Variants in GNG2 observed in about 807,000 individuals in gnomAD.
The protein encoded by GNG2 is guanine nucleotide-binding protein G(I)/G(S)/G(O) subunit gamma-2.
GNG2 carries 5 observed loss-of-function variants against 5.5 expected under a neutral mutation model. That is an observed-to-expected ratio of 0.91 (90% CI 0.48 to 1.92). The LOEUF (loss-of-function observed/expected upper bound fraction) is 1.92. Ranked by LOEUF, GNG2 falls within the 30% of genes most tolerant of loss-of-function variation. The pLI is 0.01. For missense variants in GNG2, 55 were observed against 88.4 expected (o/e 0.62, Z 1.52); for synonymous variants, 28 against 32.0 (o/e 0.88, Z 0.42).
At chr14:51,842,917 G>A (rs775905816) in intron 2 of GNG2, among the ~76,000 whole-genome samples, 6 of 152,002 alleles carry the variant, frequency 3.9e-5, no homozygotes, top group African/African-American at 7.2e-5. Flanking sequence ...TGCCCGCCTC[G>A]GTTTCCAGAA....
intron 2 of GNG2, among the ~76,000 whole-genome samples, chr14:51,937,013 A>C (rs951738329): frequency 6.6e-6 from 1 of 152,152 alleles, no homozygotes; most frequent in African/African-American, 2.4e-5. Flanking sequence ...CCCACAACCC[A>C]GGGTATTTCT....
At chr14:51,888,912 T>C (rs1261457738) in intron 2 of GNG2, among the ~76,000 whole-genome samples, 2 of 152,120 alleles carry the variant, frequency 1.3e-5, no homozygotes, top group Admixed American at 1.3e-4. Flanking sequence ...TGATACATGC[T>C]ACAACATGGA....
intron 1 of GNG2, among the ~76,000 whole-genome samples, chr14:51,869,302 C>T (rs1308000284): frequency 6.6e-6 from 1 of 152,168 alleles, no homozygotes; most frequent in African/African-American, 2.4e-5. Flanking sequence ...GGAAATTGAT[C>T]GCAAGACCTC....
chr14:51,906,302 A>G (rs992287971), intron 2 of GNG2, among the ~76,000 whole-genome samples: 3 of 152,228 alleles, frequency 2.0e-5, no homozygotes, highest in South Asian at 2.1e-4. Context: ...ACATTGTGAT[A>G]CATTTTATGT....
chr14:51,964,837 C>A (rs1272117), intron 3 of GNG2, among the ~76,000 whole-genome samples: 138,291 of 152,132 alleles, frequency 0.91, 63,686 homozygotes, highest in Non-Finnish European at 0.98. Context: ...ATAGCAAGAA[C>A]ATTTTTGAAA....
chr14:51,938,735 T>C (rs367604017), intron 2 of GNG2, among the ~76,000 whole-genome samples: 143 of 152,236 alleles, frequency 9.4e-4, no homozygotes, highest in African/African-American at 3.3e-3. Context: ...CAGTTCCTAT[T>C]TGGGGAACTC....
intron 2 of GNG2, among the ~76,000 whole-genome samples, chr14:51,830,151 T>C (rs1318824350): frequency 6.6e-6 from 1 of 152,242 alleles, no homozygotes; most frequent in Admixed American, 6.5e-5. Context: ...CACTCCCTAC[T>C]TCTTGAAGTG....
intron 2 of GNG2, among the ~76,000 whole-genome samples, chr14:51,836,684 C>T (rs559499819): frequency 1.1e-3 from 171 of 151,858 alleles, no homozygotes; most frequent in Non-Finnish European, 2.2e-3. Flanking sequence ...CTACTCCATT[C>T]TCCTCTACAC....
chr14:51,845,154 T>A (rs1304213913), intron 2 of GNG2, among the ~76,000 whole-genome samples: 2 of 152,244 alleles, frequency 1.3e-5, no homozygotes, highest in African/African-American at 4.8e-5. Flanking sequence ...CTCTATGGGC[T>A]AAATTAGTGT....
chr14:51,854,631 T>A (rs141678630), intron 2 of GNG2, among the ~76,000 whole-genome samples: 1 of 12,952 alleles, frequency 7.7e-5, no homozygotes, highest in Non-Finnish European at 2.2e-4. Context: ...CTGCCTCAGC[T>A]CCCCCCGAGT....
intron 2 of GNG2, among the ~76,000 whole-genome samples, chr14:51,836,630 A>C (rs10142188): frequency 1.3e-5 from 2 of 151,790 alleles, no homozygotes; most frequent in South Asian, 2.1e-4. Context: ...TGGTTTTGCA[A>C]AACCTAACCA....
chr14:51,962,243 T>C (rs1048496311), intron 3 of GNG2, among the ~76,000 whole-genome samples: 2 of 152,184 alleles, frequency 1.3e-5, no homozygotes, highest in Non-Finnish European at 2.9e-5. Flanking sequence ...ATATATGTGA[T>C]GTAGTTATAC....
intron 2 of GNG2, among the ~76,000 whole-genome samples, chr14:51,926,159 A>G (rs1359885103): frequency 2.0e-5 from 3 of 152,106 alleles, no homozygotes; most frequent in African/African-American, 7.2e-5. Context: ...ACAGTATTTA[A>G]TAAGTTCTCA....
intron 3 of GNG2, among the ~76,000 whole-genome samples, chr14:51,959,784 C>T (rs1566715961): frequency 6.6e-6 from 1 of 152,146 alleles, no homozygotes; most frequent in Non-Finnish European, 1.5e-5. Context: ...CCAGACCCCT[C>T]CCTACCATCA....
intron 1 of GNG2, among the ~76,000 whole-genome samples, chr14:51,866,545 G>A (rs1314720088): frequency 1.3e-5 from 2 of 152,052 alleles, no homozygotes; most frequent in African/African-American, 4.8e-5. Flanking sequence ...TACCAAAGAT[G>A]AGGTAACCCA....
intron 2 of GNG2, among the ~76,000 whole-genome samples, chr14:51,834,253 A>C (rs1226148309): frequency 6.6e-6 from 1 of 152,174 alleles, no homozygotes; most frequent in Non-Finnish European, 1.5e-5. Context: ...ACGCCTCCTT[A>C]CCTATACATT....
At chr14:51,887,273 G>A (rs2140152694) in intron 2 of GNG2, among the ~76,000 whole-genome samples, 1 of 152,218 alleles carries the variant, frequency 6.6e-6, no homozygotes, top group South Asian at 2.1e-4. Context: ...CACCTTCTTG[G>A]GCCTCCCGAC....
chr14:51,901,243 C>T (rs990692269), intron 2 of GNG2, among the ~76,000 whole-genome samples: 3 of 151,464 alleles, frequency 2.0e-5, no homozygotes, highest in African/African-American at 7.3e-5. Flanking sequence ...GGCTGGAGTG[C>T]AGTGTGATCA....
rs1050748401 is a variant in GNG2, at chr14:51,900,448, A to G, written c.-30+22791A>G. 7.2e-5 allele frequency among the ~76,000 whole-genome samples: 11 copies of G among 151,934 alleles called. No homozygotes were observed. The South Asian group carries it at 2.3e-3, about 32-fold the overall frequency. On this transcript the variant is annotated intron_variant, in intron 2 of 3. Coordinates refer to ENST00000556766, the MANE Select transcript of GNG2 (RefSeq NM_053064.5). Reference sequence around the variant, plus strand: ...ATGAAAGAAGAAATGTGGAAATGAGATTGCCAAGTTATATTCAACACTGGT... The same window carrying G: ...ATGAAAGAAGAAATGTGGAAATGAGGTTGCCAAGTTATATTCAACACTGGT...
Sources: allele counts gnomAD v4.1 joint callset (sites outside exome capture counted in the v4.1 genomes callset), GRCh38; gene constraint gnomAD v4.1.1; transcripts MANE v1.5; gene names NCBI Gene and HGNC (gene_info 2026-07-23, HGNC 2026-07-21).